The following ROCK1 variants were observed in gnomAD, a reference collection of about 807,000 sequenced individuals.
ROCK1 encodes rho-associated protein kinase 1.
In ROCK1, 36 loss-of-function variants were observed where a neutral mutation model predicts 196.8. The ratio of observed to expected loss-of-function variants is 0.18; its 90% CI spans 0.14 to 0.24. ROCK1 has a LOEUF of 0.24. Ranked by LOEUF, ROCK1 falls within the 10% of genes least tolerant of loss-of-function variation. The pLI is 1.00. For synonymous variants in ROCK1, 443 were observed against 515.9 expected (o/e 0.86, Z 1.91); for missense variants, 920 against 1,562.0 (o/e 0.59, Z 6.93).
intron 27 of ROCK1, among the ~76,000 whole-genome samples, chr18:20,961,794 C>G (rs907609761): frequency 6.8e-6 from 1 of 147,118 alleles, no homozygotes; most frequent in Admixed American, 6.8e-5. Context: ...TGATCCCTCT[C>G]TTCTCCCAAC....
At position 20,959,068 on chromosome 18, in the gene ROCK1, AT is replaced by A. The variant is rs1284204811; in HGVS notation, c.3512+771del. ...ATATAATATATATATTATATTTTATATTATATAATATATATATTTTATATAA... is the reference window on the plus strand; with the variant it reads ...ATATAATATATATATTATATTTTATATATATAATATATATATTTTATATAA... On this transcript the variant is annotated intron_variant, in intron 29 of 32. Coordinates refer to ENST00000399799, the MANE Select transcript of ROCK1 (RefSeq NM_005406.3). 1.3e-3 allele frequency among the ~76,000 whole-genome samples: 56 copies of A among 42,298 alleles called. 1 individual carries two copies. Among genetic ancestry groups the A allele is most frequent in the African/African-American group, 9.9e-3 (50 of 5,036 alleles). 27.7% of individuals were successfully genotyped at this position (42,298 alleles called of 152,430 possible). A position where few individuals can be genotyped will look rare whatever the true frequency, so the allele number is the denominator to read the frequency against.
chr18:21,065,497 T>C (rs1325224033), intron 2 of ROCK1, among the ~76,000 whole-genome samples: 1 of 152,186 alleles, frequency 6.6e-6, no homozygotes, highest in Non-Finnish European at 1.5e-5. Context: ...TGTTTTTCTA[T>C]TAACATATAA....
chr18:21,089,445 T>C (rs1166590558), intron 1 of ROCK1, among the ~76,000 whole-genome samples: 1 of 152,196 alleles, frequency 6.6e-6, no homozygotes, highest in African/African-American at 2.4e-5. Flanking sequence ...AGAAGACAAC[T>C]GGACACTCAT....
At chr18:21,007,596 T>C (rs1487716211) in intron 14 of ROCK1, among the ~76,000 whole-genome samples, 1 of 152,154 alleles carries the variant, frequency 6.6e-6, no homozygotes, top group Non-Finnish European at 1.5e-5. Flanking sequence ...AATTACTGCA[T>C]CAATGGGAGT....
intron 1 of ROCK1, among the ~76,000 whole-genome samples, chr18:21,086,098 T>G (rs1054549112): frequency 7.2e-6 from 1 of 138,994 alleles, no homozygotes; most frequent in Admixed American, 8.2e-5. Flanking sequence ...TGGTTAGTAG[T>G]AGTATGGAAA....
At chr18:21,037,399 G>A (rs1461112975) in intron 9 of ROCK1, among the ~76,000 whole-genome samples, 1 of 152,114 alleles carries the variant, frequency 6.6e-6, no homozygotes, top group Non-Finnish European at 1.5e-5. Context: ...TTTTGCCACG[G>A]AAAATGGAAA....
chr18:21,029,861 T>G (rs1010555059), intron 9 of ROCK1, among the ~76,000 whole-genome samples: 6 of 152,260 alleles, frequency 3.9e-5, no homozygotes, highest in Non-Finnish European at 8.8e-5. Context: ...TGTAGTATAA[T>G]AAAACATCCC....
chr18:21,063,529 G>A (rs187339138), intron 2 of ROCK1, among the ~76,000 whole-genome samples: 104 of 152,254 alleles, frequency 6.8e-4, no homozygotes, highest in Non-Finnish European at 1.0e-3. Flanking sequence ...AAATGTCAGC[G>A]TGTAGCTGAT....
At chr18:21,002,254 T>A (rs2035731213) in intron 16 of ROCK1, among the ~76,000 whole-genome samples, 1 of 152,142 alleles carries the variant, frequency 6.6e-6, no homozygotes, top group Non-Finnish European at 1.5e-5. Flanking sequence ...ATTTCAGGTC[T>A]GGGACAAAAA....
At chr18:21,108,214 CTA>C (rs1423804516) in intron 1 of ROCK1, among the ~76,000 whole-genome samples, 2 of 152,172 alleles carry the variant, frequency 1.3e-5, no homozygotes, top group African/African-American at 2.4e-5. Context: ...TGTCTGTTGA[CTA>C]TTCTCTTTAA....
chr18:20,979,805 T>C (rs2035514050), intron 22 of ROCK1, 105 bp downstream of exon 22: 2 of 1,335,074 alleles, frequency 1.5e-6, no homozygotes, highest in African/African-American at 3.0e-5. Flanking sequence ...ATAAACTGTG[T>C]TCTATACCAT....
At chr18:21,110,139 T>C (rs1444688713) in intron 1 of ROCK1, among the ~76,000 whole-genome samples, 1 of 152,170 alleles carries the variant, frequency 6.6e-6, no homozygotes, top group Non-Finnish European at 1.5e-5. Context: ...TTAGAATGTT[T>C]TACAAGTGAC....
At chr18:20,958,772 T>C (rs1035159949) in intron 29 of ROCK1, among the ~76,000 whole-genome samples, 9 of 147,978 alleles carry the variant, frequency 6.1e-5, no homozygotes, top group Non-Finnish European at 1.3e-4. Context: ...ATCTCTGTAT[T>C]ACTCATAAGA....
intron 2 of ROCK1, among the ~76,000 whole-genome samples, chr18:21,056,996 A>C (rs2143528939): frequency 6.6e-6 from 1 of 152,258 alleles, no homozygotes; most frequent in East Asian, 1.9e-4. Flanking sequence ...ACCTTACCTA[A>C]AACAGCAAAC....
In ROCK1 at chr18:21,060,747, G is replaced by A. The variant is rs188292984; in HGVS notation, c.175+9785C>T. Reference sequence around the variant, plus strand: ...CCATCTACTAGGGAGGCTGAGGCAGGAGAACTGCTTGAACCTGGGAGGTGG... The same window carrying A: ...CCATCTACTAGGGAGGCTGAGGCAGAAGAACTGCTTGAACCTGGGAGGTGG... On this transcript the variant is annotated intron_variant, in intron 2 of 32. Coordinates refer to ENST00000399799, the MANE Select transcript of ROCK1 (RefSeq NM_005406.3). Among the ~76,000 whole-genome samples, 19 of 149,286 alleles carry A rather than the reference G, an allele frequency of 1.3e-4. No individual in the cohort carries two copies. The East Asian group carries it at 3.8e-3, about 30-fold the overall frequency.
chr18:20,981,887 A>T (rs1020116682), intron 21 of ROCK1, among the ~76,000 whole-genome samples: 1 of 152,236 alleles, frequency 6.6e-6, no homozygotes, highest in Non-Finnish European at 1.5e-5. Flanking sequence ...AAATCAATGA[A>T]GGGATAAAAA....
chr18:21,018,879 A>T (rs2035888179), intron 12 of ROCK1, among the ~76,000 whole-genome samples: 1 of 152,190 alleles, frequency 6.6e-6, no homozygotes, highest in South Asian at 2.1e-4. Flanking sequence ...AAAAACATAA[A>T]TAATTATAAA....
At chr18:20,975,350 T>G (rs1469551114) in intron 22 of ROCK1, among the ~76,000 whole-genome samples, 1 of 152,156 alleles carries the variant, frequency 6.6e-6, no homozygotes, top group African/African-American at 2.4e-5. Flanking sequence ...AGAAGAGCAA[T>G]GTACATACCT....
rs545581340 is a variant in ROCK1 at position 21,104,414 on chromosome 18, G to A, written c.93+6404C>T. ...AGATCGAGACCATCCTGGCTAACAC[G>A]GTGAAACCCTGTCTCTACTAAAAAT... is the stretch of plus-strand genomic sequence containing the variant. On this transcript the variant is annotated intron_variant, in intron 1 of 32. Transcript: ENST00000399799. 4.9e-3 allele frequency among the ~76,000 whole-genome samples: 753 copies of A among 152,158 alleles called. 4 individuals carry two copies. The highest frequency in any genetic ancestry group is 7.4e-3 in the Non-Finnish European group (502 of 67,992).
Sources: gnomAD v4.1 joint callset for allele counts (sites outside exome capture counted in the v4.1 genomes callset) on GRCh38, gnomAD v4.1.1 for gene constraint, MANE v1.5 for transcripts, NCBI Gene and HGNC (gene_info 2026-07-23, HGNC 2026-07-21) for gene names.